Variants in NFATC1 observed in about 807,000 individuals in gnomAD.
NFATC1 encodes the protein nuclear factor of activated T cells 1, also known as nuclear factor of activated T-cells, cytoplasmic 1.
A neutral mutation model predicts 76.0 loss-of-function variants in NFATC1; 22 were observed. The ratio of observed to expected loss-of-function variants is 0.29; its 90% CI spans 0.21 to 0.41. The LOEUF (loss-of-function observed/expected upper bound fraction) is 0.41, where lower values mean the gene tolerates loss of function less well. NFATC1 is among the 10% of genes least tolerant of loss of function. NFATC1 has a pLI of 1.00. For missense variants in NFATC1, 1,357 were observed against 1,337.7 expected, an observed-to-expected ratio of 1.01 and a Z score of -0.23; for synonymous variants, 704 against 613.1, an observed-to-expected ratio of 1.15 and a Z score of -2.19.
rs1568945047 is a variant in NFATC1, at chr18:79,425,261, G to GTCTCTCTGTT, written c.1227-8313_1227-8312insCTGTTTCTCT. On this transcript the variant is annotated intron_variant, in intron 2 of 9. Coordinates refer to ENST00000427363, the MANE Select transcript of NFATC1 (RefSeq NM_001278669.2). ...TCTCTGTCTCTCTGTTTCTCTCCCT[G>GTCTCTCTGTT]TCTCTGTCTCTCTCTCTGTCTGTCT... is the stretch of plus-strand genomic sequence containing the variant. Among the ~76,000 whole-genome samples, 45 of 120,742 alleles carry GTCTCTCTGTT rather than the reference G, an allele frequency of 3.7e-4. 2 individuals are homozygous for GTCTCTCTGTT. The highest frequency in any genetic ancestry group is 7.7e-4 in the Admixed American group (10 of 12,916). The allele number at this position is 120,742 out of a possible 152,430, so 79.2% of individuals were successfully genotyped here.
intron 1 of NFATC1, among the ~76,000 whole-genome samples, chr18:79,399,088 A>G (rs1038321089): frequency 2.6e-5 from 4 of 152,268 alleles, no homozygotes; most frequent in African/African-American, 9.6e-5. Context: ...AACCTGTACA[A>G]TGGAAAGAGA....
At chr18:79,519,133 C>T (rs1365887072) in intron 9 of NFATC1, among the ~76,000 whole-genome samples, 1 of 152,144 alleles carries the variant, frequency 6.6e-6, no homozygotes, top group Non-Finnish European at 1.5e-5. Context: ...TTCAGAGCCT[C>T]CGGCGGCTGG....
At chr18:79,419,952 A>G (rs2086014904) in intron 2 of NFATC1, among the ~76,000 whole-genome samples, 1 of 152,088 alleles carries the variant, frequency 6.6e-6, no homozygotes, top group Admixed American at 6.6e-5. Context: ...TTATGATGGG[A>G]TTTTCTTTTT....
chr18:79,431,813 C>G (rs2086598822), intron 2 of NFATC1, among the ~76,000 whole-genome samples: 1 of 152,236 alleles, frequency 6.6e-6, no homozygotes. Context: ...AGCAATTCTC[C>G]TCCCTCAGCC....
chr18:79,396,808 C>T (rs1462404724), intron 1 of NFATC1, among the ~76,000 whole-genome samples: 1 of 151,594 alleles, frequency 6.6e-6, no homozygotes, highest in Non-Finnish European at 1.5e-5. Flanking sequence ...CCCCCCACCC[C>T]CACCCCGAGC....
At chr18:79,414,722 C>T (rs1286172903) in intron 2 of NFATC1, among the ~76,000 whole-genome samples, 1 of 152,172 alleles carries the variant, frequency 6.6e-6, no homozygotes, top group Non-Finnish European at 1.5e-5. Flanking sequence ...AAATTAGAAT[C>T]TTAAGCTGTG....
chr18:79,496,978 C>G (rs777708782), intron 9 of NFATC1: 4 of 152,264 alleles, frequency 2.6e-5, no homozygotes, highest in Non-Finnish European at 5.9e-5. Context: ...GGCCCGCATG[C>G]TCTCGCGGGT....
rs1346790005 is a variant in NFATC1 at position 79,433,718 on chromosome 18, G to A, written c.1366G>A (p.Gly456Arg). 15 of 1,612,692 alleles carry A rather than the reference G, an allele frequency of 9.3e-6. No individual in the cohort carries two copies. The highest frequency in any genetic ancestry group is 2.2e-5 in the East Asian group (1 of 44,866). The change falls in exon 3 of 10, where the codon GGA (glycine) becomes AGA (arginine). Residue 456 changes from glycine to arginine, a missense_variant. Physicochemically the swap from Gly to Arg is moderately radical, Grantham distance 125 (BLOSUM62 -2). Transcript: ENST00000427363. The part of the protein sequence containing the change: ...GSRGAVKASA[G>R]GHPIVQLHGY... ...CCGGGGGGCCGTGAAGGCGTCGGCCGGAGGACACCCCATCGTGCAGGTAGG... is the reference window on the plus strand; with the variant it reads ...CCGGGGGGCCGTGAAGGCGTCGGCCAGAGGACACCCCATCGTGCAGGTAGG...
chr18:79,444,522 G>T (rs988185375), intron 3 of NFATC1, among the ~76,000 whole-genome samples: 5 of 151,674 alleles, frequency 3.3e-5, no homozygotes, highest in African/African-American at 1.2e-4. Context: ...AGGCCCCTCA[G>T]GCCCTTTCCC....
intron 9 of NFATC1, among the ~76,000 whole-genome samples, chr18:79,490,702 G>C (rs2089653269): frequency 6.6e-6 from 1 of 152,196 alleles, no homozygotes; most frequent in Non-Finnish European, 1.5e-5. Context: ...TGGGTGGATG[G>C]AGCCGTAGAT....
chr18:79,479,976 A>G (rs2089217007), intron 8 of NFATC1, among the ~76,000 whole-genome samples: 1 of 152,186 alleles, frequency 6.6e-6, no homozygotes, highest in Admixed American at 6.5e-5. Flanking sequence ...GGCTGGGAGA[A>G]GCCGCGTGGA....
At chr18:79,416,124 T>G (rs988131103) in intron 2 of NFATC1, among the ~76,000 whole-genome samples, 3 of 152,250 alleles carry the variant, frequency 2.0e-5, no homozygotes, top group African/African-American at 7.2e-5. Flanking sequence ...ATATTGAAGA[T>G]TTTAGCATAT....
chr18:79,513,709 C>T (rs553731157), intron 9 of NFATC1, among the ~76,000 whole-genome samples: 1 of 152,362 alleles, frequency 6.6e-6, no homozygotes, highest in East Asian at 1.9e-4. Context: ...CAGGGCTCCC[C>T]AGACATTACT....
intron 8 of NFATC1, chr18:79,469,344 G>T (rs943924306): frequency 4.3e-5 from 42 of 985,344 alleles, no homozygotes; most frequent in Non-Finnish European, 5.1e-5. Flanking sequence ...CCCCACCGTG[G>T]GTTTGAGCAG....
intron 9 of NFATC1, among the ~76,000 whole-genome samples, chr18:79,490,741 G>A (rs2089654123): frequency 6.6e-6 from 1 of 152,182 alleles, no homozygotes; most frequent in Non-Finnish European, 1.5e-5. Context: ...GTGAGAAGAT[G>A]GCTGGAGCAT....
At chr18:79,430,723 C>G (rs2086561829) in intron 2 of NFATC1, among the ~76,000 whole-genome samples, 2 of 151,042 alleles carry the variant, frequency 1.3e-5, no homozygotes, top group Middle Eastern at 3.4e-3. Flanking sequence ...CAATTCATAG[C>G]AAAAGATAGG....
intron 3 of NFATC1, among the ~76,000 whole-genome samples, chr18:79,438,134 G>A (rs1044997882): frequency 3.3e-5 from 5 of 152,334 alleles, no homozygotes; most frequent in South Asian, 2.1e-4. Context: ...GGAGCTGAGC[G>A]GCGTGAGCAG....
chr18:79,436,555 G>T (rs1021910327), intron 3 of NFATC1, among the ~76,000 whole-genome samples: 1 of 152,136 alleles, frequency 6.6e-6, no homozygotes, highest in Admixed American at 6.5e-5. Context: ...GTCCTCCCAC[G>T]CCCGCTGTCT....
chr18:79,405,814 T>C (rs2085416600), intron 1 of NFATC1, among the ~76,000 whole-genome samples: 1 of 152,274 alleles, frequency 6.6e-6, no homozygotes, highest in Non-Finnish European at 1.5e-5. Context: ...TCAGGTTTTA[T>C]TGCAATACTT....
Sources: allele counts gnomAD v4.1 joint callset (sites outside exome capture counted in the v4.1 genomes callset), GRCh38; gene constraint gnomAD v4.1.1; transcripts MANE v1.5; gene names NCBI Gene and HGNC (gene_info 2026-07-23, HGNC 2026-07-21).